The following RERE variants were observed in gnomAD, a reference collection of about 807,000 sequenced individuals.
The protein encoded by RERE is arginine-glutamic acid dipeptide repeats.
RERE carries 40 observed loss-of-function variants against 146.1 expected under a neutral mutation model. That is an observed-to-expected ratio of 0.27 (90% confidence interval 0.21 to 0.36). The LOEUF (loss-of-function observed/expected upper bound fraction) is 0.36. Among genes scored for constraint, RERE ranks in the 10% least tolerant of loss-of-function variants. The pLI is 1.00. For missense variants in RERE, 1,933 were observed against 2,138.7 expected (o/e 0.90, Z 1.90); for synonymous variants, 1,003 against 866.0 (o/e 1.16, Z -2.78).
intron 2 of RERE, among the ~76,000 whole-genome samples, chr1:8,626,245 A>G (rs1646971941): frequency 6.6e-6 from 1 of 152,186 alleles, no homozygotes; most frequent in African/African-American, 2.4e-5. Flanking sequence ...TTTTGGAACA[A>G]CCCAAAGTTC....
intron 1 of RERE, among the ~76,000 whole-genome samples, chr1:8,727,369 C>G (rs907321540): frequency 8.7e-5 from 13 of 150,120 alleles, no homozygotes; most frequent in Non-Finnish European, 1.3e-4. Flanking sequence ...CTTGAACTGC[C>G]GACCTCAGGT....
At chr1:8,705,690 C>T (rs961322324) in intron 1 of RERE, among the ~76,000 whole-genome samples, 4 of 152,120 alleles carry the variant, frequency 2.6e-5, no homozygotes, top group African/African-American at 9.7e-5. Flanking sequence ...AGATTTATGT[C>T]AGGTACACAA....
intron 1 of RERE, among the ~76,000 whole-genome samples, chr1:8,735,919 T>C (rs1640186861): frequency 6.6e-6 from 1 of 152,126 alleles, no homozygotes; most frequent in Non-Finnish European, 1.5e-5. Flanking sequence ...TTGCCCAGTC[T>C]TCAGTATTTA....
Position 8,361,041 on chromosome 1 carries a change from TGGCGAGGGATGC to T in RERE, c.2454_2465del (p.Ser821_Pro824del), listed in dbSNP as rs1557587109. 4.2e-6 allele frequency: 6 copies of T among 1,423,698 alleles called. No individual in the cohort carries two copies. In the South Asian group the frequency reaches 4.5e-5, roughly 11 times the overall value. 88.2% of individuals were successfully genotyped at this position (1,423,698 alleles called of 1,614,324 possible). ...CAGTCAGAGGCTGCAGCGGGGGATG[TGGCGAGGGATGC>T]GGCGGGGGATGCGGTGAGGGCGGCC... On this transcript the variant is annotated inframe_deletion, in exon 18 of 23. Coordinates refer to ENST00000400908, the MANE Select transcript of RERE (RefSeq NM_001042681.2).
rs3831914 is a variant in RERE, at chr1:8,656,262, CTCTTTG to C, written c.30_35del (p.Asp10_Lys11del). On this transcript the variant is annotated inframe_deletion, in exon 2 of 23. Coordinates refer to ENST00000400908, the MANE Select transcript of RERE (RefSeq NM_001042681.2). ...GGTCCCGGTCTCGGTCCCGGTCCTT[CTCTTTG>C]TCTTTGTCTTTGTCTTTGTCCGCTG... 27,315 of 1,604,852 alleles carry C rather than the reference CTCTTTG, an allele frequency of 0.017. 329 individuals are homozygous for C. Among genetic ancestry groups the C allele is most frequent in the East Asian group, 0.051 (2,310 of 44,868 alleles).
chr1:8,411,247 G>C (rs1259135069), intron 12 of RERE, among the ~76,000 whole-genome samples: 1 of 151,148 alleles, frequency 6.6e-6, no homozygotes. Flanking sequence ...AAAATGGAGA[G>C]AGGCACATGG....
chr1:8,746,581 T>A (rs1420177950), intron 1 of RERE, among the ~76,000 whole-genome samples: 1 of 152,168 alleles, frequency 6.6e-6, no homozygotes, highest in African/African-American at 2.4e-5. Context: ...TGGTTTCTAT[T>A]GACTGTGTAT....
intron 1 of RERE, among the ~76,000 whole-genome samples, chr1:8,712,502 T>C (rs1368118100): frequency 6.6e-6 from 1 of 152,220 alleles, no homozygotes; most frequent in Non-Finnish European, 1.5e-5. Context: ...ACGATTATAA[T>C]GTAAAGCATG....
At chr1:8,743,470 G>A (rs1311296401) in intron 1 of RERE, among the ~76,000 whole-genome samples, 1 of 134,476 alleles carries the variant, frequency 7.4e-6, no homozygotes, top group Non-Finnish European at 1.6e-5. Flanking sequence ...GTTTCACCAT[G>A]TTGGCCAGGC....
intron 4 of RERE, among the ~76,000 whole-genome samples, chr1:8,577,050 T>C (rs1406899085): frequency 1.3e-5 from 2 of 151,808 alleles, no homozygotes; most frequent in African/African-American, 2.4e-5. Context: ...GCGCCTGTAG[T>C]CCCAGCTACT....
Position 8,700,978 on chromosome 1 carries a change from T to C in RERE, c.-144-44537A>G, listed in dbSNP as rs1037513310. ...ATAAGTAAACAAAAGCTTGTCTTGT[T>C]CTATCACTTGCTTAAAAGCAAGCAC... On this transcript the variant is annotated intron_variant, in intron 1 of 22. Transcript: ENST00000400908. 6.6e-5 allele frequency among the ~76,000 whole-genome samples: 10 copies of C among 152,280 alleles called. No individual in the cohort carries two copies. The East Asian group carries it at 1.7e-3, about 26-fold the overall frequency.
intron 4 of RERE, among the ~76,000 whole-genome samples, chr1:8,597,074 AT>A (rs1646563402): frequency 6.7e-6 from 1 of 149,312 alleles, no homozygotes; most frequent in African/African-American, 2.5e-5. Flanking sequence ...TAATCATTTA[AT>A]TTGTACTGAT....
rs114798885 is a variant in RERE, at chr1:8,404,712, T to C, written c.1284+18015A>G. Among the ~76,000 whole-genome samples the C allele has an allele frequency of 7.1e-3, 1,085 of 152,226 alleles. 14 individuals carry two copies. The highest frequency in any genetic ancestry group is 0.025 in the African/African-American group (1,055 of 41,510). ...AGAGTCCTTGGGCAATCAAAAACCATAGTAAAATCACAGCAGGGTCGACAA... is the reference window on the plus strand; with the variant it reads ...AGAGTCCTTGGGCAATCAAAAACCACAGTAAAATCACAGCAGGGTCGACAA... On this transcript the variant is annotated intron_variant, in intron 12 of 22. Transcript: ENST00000400908.
intron 12 of RERE, among the ~76,000 whole-genome samples, chr1:8,397,312 G>A (rs1330351651): frequency 6.8e-6 from 1 of 147,344 alleles, no homozygotes; most frequent in Non-Finnish European, 1.5e-5. Context: ...AGTGCCTAGT[G>A]CATAATAAGA....
intron 2 of RERE, among the ~76,000 whole-genome samples, chr1:8,634,780 G>A (rs1208926778): frequency 1.3e-5 from 2 of 152,146 alleles, no homozygotes; most frequent in Non-Finnish European, 2.9e-5. Flanking sequence ...CTGTCACCCA[G>A]GCTGGAGTGC....
intron 1 of RERE, among the ~76,000 whole-genome samples, chr1:8,755,504 A>G (rs1349438037): frequency 6.6e-6 from 1 of 152,214 alleles, no homozygotes; most frequent in African/African-American, 2.4e-5. Flanking sequence ...ATTTGTATAC[A>G]AAATGTCAAG....
chr1:8,708,905 G>GTTTT (rs35403792), intron 1 of RERE, among the ~76,000 whole-genome samples: 965 of 72,330 alleles, frequency 0.013, 117 homozygotes, highest in African/African-American at 0.041. Flanking sequence ...AAACTCTGGA[G>GTTTT]TTTTTTTTTT....
At chr1:8,574,162 G>A (rs1646259402) in intron 4 of RERE, among the ~76,000 whole-genome samples, 1 of 151,980 alleles carries the variant, frequency 6.6e-6, no homozygotes, top group Admixed American at 6.6e-5. Context: ...TTTCCACTGT[G>A]ATTTCTTATT....
At chr1:8,740,889 T>C (rs1489938732) in intron 1 of RERE, among the ~76,000 whole-genome samples, 1 of 152,004 alleles carries the variant, frequency 6.6e-6, no homozygotes, top group East Asian at 1.9e-4. Context: ...AGTGAATTAT[T>C]TTATATGTAA....
Sources: gnomAD v4.1 joint callset for allele counts (sites outside exome capture counted in the v4.1 genomes callset) on GRCh38, gnomAD v4.1.1 for gene constraint, MANE v1.5 for transcripts, NCBI Gene and HGNC (gene_info 2026-07-23, HGNC 2026-07-21) for gene names.